SLC24A2: variants seen among roughly 807,000 people sequenced by gnomAD.
SLC24A2 encodes sodium/potassium/calcium exchanger 2.
In SLC24A2, 36 loss-of-function variants were observed where a neutral mutation model predicts 62.0. The observed-to-expected ratio is 0.58, with a 90% CI of 0.44 to 0.77. The LOEUF is 0.77. Among genes scored for constraint, SLC24A2 ranks in the 30% least tolerant of loss-of-function variants. The pLI, the probability that SLC24A2 is intolerant of heterozygous loss-of-function variation, is 0.00. For synonymous variants in SLC24A2, 358 were observed against 294.0 expected (o/e 1.22, Z -2.23); for missense variants, 846 against 817.9 (o/e 1.03, Z -0.42).
the SLC24A2 span, among the ~76,000 whole-genome samples, chr9:19,803,833 A>G: frequency 2.0e-5 from 3 of 152,208 alleles, no homozygotes; most frequent in African/African-American, 7.2e-5. Context: ...TTGAGAAACT[A>G]AAAAGAATTT....
At chr9:19,718,017 C>T (rs938620974) in intron 2 of SLC24A2, among the ~76,000 whole-genome samples, 1 of 149,850 alleles carries the variant, frequency 6.7e-6, no homozygotes, top group African/African-American at 2.5e-5. Flanking sequence ...CGCTCTGTCG[C>T]CCAGGCTGGA....
At chr9:19,548,256 AG>A (rs760236672) in intron 8 of SLC24A2, among the ~76,000 whole-genome samples, 6 of 147,594 alleles carry the variant, frequency 4.1e-5, no homozygotes, top group Non-Finnish European at 7.4e-5. Flanking sequence ...AAGTGCTTTT[AG>A]AAATGATTTT....
intron 2 of SLC24A2, among the ~76,000 whole-genome samples, chr9:19,680,528 T>TGGTGAG (rs1819690011): frequency 6.6e-6 from 1 of 151,640 alleles, no homozygotes; most frequent in Non-Finnish European, 1.5e-5. Flanking sequence ...CAACTTTCGC[T>TGGTGAG]CATTAAAATG....
rs2132659664 is a variant in SLC24A2, at chr9:19,528,041, A to T, written c.1569+8T>A. 3.2e-6 allele frequency: 5 copies of T among 1,546,028 alleles called. No homozygotes were observed. The highest frequency in any genetic ancestry group is 3.5e-6 in the Non-Finnish European group (4 of 1,130,112). ...CAAGGCAGAGGCATGTCACTATCAA[A>T]ATCTTACCTGGTGCGCCCACCAGAC... On this transcript the variant is annotated splice_region_variant and intron_variant, in intron 9 of 10. Transcript: ENST00000341998.
the SLC24A2 span, among the ~76,000 whole-genome samples, chr9:19,941,464 C>T: frequency 6.6e-6 from 1 of 151,998 alleles, no homozygotes; most frequent in African/African-American, 2.4e-5. Flanking sequence ...ATAAAAACAT[C>T]ACATATTCAA....
At chr9:19,556,579 T>G (rs1357110363) in intron 7 of SLC24A2, among the ~76,000 whole-genome samples, 1 of 152,264 alleles carries the variant, frequency 6.6e-6, no homozygotes, top group South Asian at 2.1e-4. Flanking sequence ...ATCACCCAGG[T>G]TTGCCTAAAT....
chr9:19,581,645 C>T (rs954185163), intron 5 of SLC24A2, among the ~76,000 whole-genome samples: 2 of 152,150 alleles, frequency 1.3e-5, no homozygotes, highest in Non-Finnish European at 2.9e-5. Flanking sequence ...TCCTAAATTA[C>T]TGAAAAGAAG....
the SLC24A2 span, among the ~76,000 whole-genome samples, chr9:20,069,769 A>G: frequency 6.6e-6 from 1 of 152,180 alleles, no homozygotes; most frequent in East Asian, 1.9e-4. Context: ...TCAACATTAT[A>G]TTTGTAAGAT....
At chr9:20,244,216 T>C in the SLC24A2 span, among the ~76,000 whole-genome samples, 1 of 152,120 alleles carries the variant, frequency 6.6e-6, no homozygotes, top group South Asian at 2.1e-4. Flanking sequence ...ATATAAACTA[T>C]CCGGTTAAAA....
intron 2 of SLC24A2, among the ~76,000 whole-genome samples, chr9:19,703,132 T>C (rs1274550245): frequency 2.0e-5 from 3 of 152,158 alleles, no homozygotes; most frequent in Non-Finnish European, 4.4e-5. Flanking sequence ...GCATATCTTA[T>C]ATCAAATTTA....
the SLC24A2 span, among the ~76,000 whole-genome samples, chr9:20,106,197 C>A: frequency 6.6e-6 from 1 of 152,128 alleles, no homozygotes; most frequent in South Asian, 2.1e-4. Flanking sequence ...GAAATTGTGG[C>A]AATAATCAAT....
At chr9:19,836,525 C>A in the SLC24A2 span, among the ~76,000 whole-genome samples, 1 of 152,078 alleles carries the variant, frequency 6.6e-6, no homozygotes, top group African/African-American at 2.4e-5. Flanking sequence ...AAGACTAAGC[C>A]AGGAAGAAGT....
the SLC24A2 span, among the ~76,000 whole-genome samples, chr9:19,839,702 C>T: frequency 2.0e-5 from 3 of 152,130 alleles, no homozygotes; most frequent in Non-Finnish European, 4.4e-5. Flanking sequence ...GGCTCCAAAA[C>T]ACAGCTGAAC....
At chr9:19,762,791 T>G (rs4506309) in intron 2 of SLC24A2, among the ~76,000 whole-genome samples, 135,332 of 140,400 alleles carry the variant, frequency 0.96, 65,449 homozygotes, top group East Asian at 1. Context: ...TGGCTATATG[T>G]GCTTTTTTTT....
At chr9:19,529,196 T>C (rs1396769433) in intron 8 of SLC24A2, among the ~76,000 whole-genome samples, 1 of 152,176 alleles carries the variant, frequency 6.6e-6, no homozygotes, top group Non-Finnish European at 1.5e-5. Context: ...TGCCATCCAA[T>C]TTTATCTAGA....
the SLC24A2 span, among the ~76,000 whole-genome samples, chr9:20,180,791 C>A: frequency 2.0e-5 from 3 of 152,156 alleles, no homozygotes; most frequent in Non-Finnish European, 2.9e-5. Flanking sequence ...GATAATATTC[C>A]TTAACACAGA....
intron 2 of SLC24A2, among the ~76,000 whole-genome samples, chr9:19,686,082 T>A: frequency 6.6e-6 from 1 of 151,746 alleles, no homozygotes; most frequent in Admixed American, 6.6e-5. Flanking sequence ...AAAACAACCC[T>A]ATTAAAAAGT....
the SLC24A2 span, among the ~76,000 whole-genome samples, chr9:20,116,234 A>G: frequency 6.6e-6 from 1 of 152,162 alleles, no homozygotes; most frequent in African/African-American, 2.4e-5. Context: ...CCATTCTCAT[A>G]GCTCTAAATG....
At chr9:20,065,304 G>C in the SLC24A2 span, among the ~76,000 whole-genome samples, 1 of 152,194 alleles carries the variant, frequency 6.6e-6, no homozygotes, top group African/African-American at 2.4e-5. Context: ...GGTCTCACTT[G>C]TGAATCAAAG....
Sources: gnomAD v4.1 joint callset for allele counts (sites outside exome capture counted in the v4.1 genomes callset) on GRCh38, gnomAD v4.1.1 for gene constraint, MANE v1.5 for transcripts, NCBI Gene and HGNC (gene_info 2026-07-23, HGNC 2026-07-21) for gene names.